MED13: variants seen among roughly 807,000 people sequenced by gnomAD.
The protein encoded by MED13 is mediator complex subunit 13.
In MED13, 23 loss-of-function variants were observed where a neutral mutation model predicts 225.2. The ratio of observed to expected loss-of-function variants is 0.10; its 90% CI spans 0.07 to 0.14. The LOEUF (loss-of-function observed/expected upper bound fraction) is 0.14. MED13 is among the 10% of genes least tolerant of loss of function. MED13 has a pLI of 1.00. For missense variants in MED13, 2,197 were observed against 2,594.5 expected, an observed-to-expected ratio of 0.85 and a Z score of 3.33; for synonymous variants, 942 against 889.2, an observed-to-expected ratio of 1.06 and a Z score of -1.06.
chr17:62,030,723 GTTC>G (rs1474994918), intron 6 of MED13: 3 of 152,156 alleles, frequency 2.0e-5, no homozygotes, highest in Non-Finnish European at 4.4e-5. Flanking sequence ...ATTGTAAAAA[GTTC>G]TTCTGTGTTT....
intron 8 of MED13, among the ~76,000 whole-genome samples, chr17:62,016,228 CTT>C (rs200750742): frequency 2.0e-4 from 30 of 147,524 alleles, no homozygotes; most frequent in Non-Finnish European, 3.1e-4. Flanking sequence ...AATCCCTTCT[CTT>C]TTTTTTTCCT....
In MED13 at chr17:61,993,886, A is replaced by G. The variant is rs145961218; in HGVS notation, c.2182-1265T>C. 2.1e-3 allele frequency among the ~76,000 whole-genome samples: 321 copies of G among 152,082 alleles called. 2 individuals are homozygous for G. The highest frequency in any genetic ancestry group is 7.5e-3 in the African/African-American group (311 of 41,512). On this transcript the variant is annotated intron_variant, in intron 10 of 29. Transcript: ENST00000397786. ...GCGAAGGTTGCAGTGACCTAAGATC[A>G]TAACTTTGCACTCCAGCCTGGGCAA...
At chr17:62,032,967 C>T (rs771431913) in intron 5 of MED13, among the ~76,000 whole-genome samples, 5 of 152,016 alleles carry the variant, frequency 3.3e-5, no homozygotes, top group East Asian at 3.9e-4. Flanking sequence ...CTGGCCAACA[C>T]GGCAAAACCC....
At chr17:61,990,858 C>A (rs566095476) in intron 11 of MED13, among the ~76,000 whole-genome samples, 2 of 152,118 alleles carry the variant, frequency 1.3e-5, no homozygotes, top group African/African-American at 4.8e-5. Flanking sequence ...ACAGTACCTA[C>A]ACATAACAGG....
chr17:62,056,973 G>A (rs1405169528), intron 2 of MED13, among the ~76,000 whole-genome samples: 1 of 151,922 alleles, frequency 6.6e-6, no homozygotes, highest in African/African-American at 2.4e-5. Flanking sequence ...GATTACAGTA[G>A]TGCCAAAGTA....
chr17:62,002,386 G>A (rs1293195065), intron 9 of MED13, among the ~76,000 whole-genome samples: 1 of 151,704 alleles, frequency 6.6e-6, no homozygotes, highest in Non-Finnish European at 1.5e-5. Context: ...CTACTCGGGA[G>A]GCCAAGGCAG....
chr17:62,063,354 A>G, intron 1 of MED13, 53 bp from the exon 2 acceptor site: 3 of 1,174,348 alleles, frequency 2.6e-6, no homozygotes, highest in Non-Finnish European at 3.7e-6. Flanking sequence ...TCAAAGTCAA[A>G]AGTACTCAAT....
chr17:61,996,635 C>T (rs1464913638), intron 9 of MED13, among the ~76,000 whole-genome samples: 1 of 152,110 alleles, frequency 6.6e-6, no homozygotes, highest in Non-Finnish European at 1.5e-5. Context: ...TCACTTCCTT[C>T]AAGTCTTTGC....
At chr17:61,997,946 C>T (rs535398834) in intron 9 of MED13, among the ~76,000 whole-genome samples, 38 of 152,214 alleles carry the variant, frequency 2.5e-4, no homozygotes, top group African/African-American at 9.1e-4. Flanking sequence ...AAATGCATTA[C>T]CTAAATATGA....
chr17:62,061,935 G>A (rs1246300107), intron 2 of MED13, among the ~76,000 whole-genome samples: 1 of 152,100 alleles, frequency 6.6e-6, no homozygotes, highest in Non-Finnish European at 1.5e-5. Flanking sequence ...ATTAACACTG[G>A]AGAGTATGTT....
chr17:62,032,050 A>T (rs955625835), intron 5 of MED13, among the ~76,000 whole-genome samples: 1 of 151,966 alleles, frequency 6.6e-6, no homozygotes, highest in Non-Finnish European at 1.5e-5. Context: ...ACTTTTCTAT[A>T]TGCCTCTATT....
chr17:61,988,521 G>A (rs955525056), intron 11 of MED13, among the ~76,000 whole-genome samples: 2 of 152,074 alleles, frequency 1.3e-5, no homozygotes, highest in African/African-American at 2.4e-5. Flanking sequence ...TTGTGCCTTT[G>A]AAATTTTAAA....
intron 11 of MED13, among the ~76,000 whole-genome samples, chr17:61,989,808 C>A (rs953774351): frequency 2.0e-5 from 3 of 152,212 alleles, no homozygotes; most frequent in Non-Finnish European, 4.4e-5. Context: ...GTGATGCCAC[C>A]AACTTTGTTC....
chr17:62,065,073 T>TC, intron 1 of MED13, 67 bp downstream of exon 1: 1 of 1,316,326 alleles, frequency 7.6e-7, no homozygotes, highest in Admixed American at 2.4e-5. Flanking sequence ...CCCGGCCCCC[T>TC]CCCCCACGGC....
At chr17:62,030,100 C>G (rs771897855) in intron 6 of MED13, 87 bp from the exon 7 acceptor site, 1 of 1,159,770 alleles carries the variant, frequency 8.6e-7, no homozygotes, top group South Asian at 2.4e-5. Flanking sequence ...ATTTGTGATA[C>G]AAGCTGCTCC....
chr17:62,025,241 C>A (rs979931555), intron 8 of MED13, among the ~76,000 whole-genome samples: 4 of 152,154 alleles, frequency 2.6e-5, no homozygotes, highest in South Asian at 4.1e-4. Context: ...TGACCACAGA[C>A]AATATGTAAA....
intron 9 of MED13, 99 bp downstream of exon 9, chr17:62,010,451 G>C (rs1393787007): frequency 1.4e-6 from 1 of 736,352 alleles, no homozygotes. Context: ...ATTTATTCTT[G>C]TAAATCCTAC....
chr17:61,982,628 G>A lies in MED13; in HGVS notation c.3375C>T (p.Gly1125=). 1 of 1,614,142 alleles carries A rather than the reference G, an allele frequency of 6.2e-7. No individual in the cohort carries two copies. The highest frequency in any genetic ancestry group is 1.3e-5 in the African/African-American group (1 of 75,032). The change falls in exon 16 of 30, where the codon GGC becomes GGT. Residue 1125 remains glycine, a synonymous_variant. Transcript: ENST00000397786. The part of the protein sequence containing the change: ...TQEAQYRCTC[G]FSAVMNRKFG... ...ATTTTCTGTTCATGACAGCACTGAA[G>A]CCACAGGTACACCTATATTGTGCTT...
At chr17:61,954,302 C>T (rs2079922623) in intron 26 of MED13, among the ~76,000 whole-genome samples, 1 of 152,128 alleles carries the variant, frequency 6.6e-6, no homozygotes, top group Non-Finnish European at 1.5e-5. Flanking sequence ...TTCTCTTCTA[C>T]TAAAATGCAA....
Sources: allele counts gnomAD v4.1 joint callset (sites outside exome capture counted in the v4.1 genomes callset), GRCh38; gene constraint gnomAD v4.1.1; transcripts MANE v1.5; gene names NCBI Gene and HGNC (gene_info 2026-07-23, HGNC 2026-07-21).